Variants in DSE observed in about 807,000 individuals in gnomAD.
DSE encodes the protein dermatan-sulfate epimerase.
DSE carries 36 observed loss-of-function variants against 84.4 expected under a neutral mutation model. That is an observed-to-expected ratio of 0.43 (90% CI 0.33 to 0.56). The LOEUF (loss-of-function observed/expected upper bound fraction) is 0.56, where lower values mean the gene tolerates loss of function less well. Among genes scored for constraint, DSE ranks in the 20% least tolerant of loss-of-function variants. DSE has a pLI of 0.06. For synonymous variants in DSE, 410 were observed against 430.1 expected (o/e 0.95, Z 0.58); for missense variants, 862 against 1,169.6 (o/e 0.74, Z 3.84).
At chr6:116,366,602 A>G (rs1310854508), upstream of DSE, 2 of 152,236 alleles carry the variant, frequency 1.3e-5, no homozygotes, top group African/African-American at 4.8e-5. Context: ...GTGATATAAA[A>G]TCATCCATTT....
intron 1 of DSE, among the ~76,000 whole-genome samples, chr6:116,397,559 A>G (rs1344532265): frequency 1.3e-5 from 2 of 152,084 alleles, no homozygotes; most frequent in Non-Finnish European, 2.9e-5. Flanking sequence ...GGGACTGAGC[A>G]TTACCTCAGA....
At chr6:116,417,188 A>G (rs576840349) in intron 2 of DSE, among the ~76,000 whole-genome samples, 1 of 152,318 alleles carries the variant, frequency 6.6e-6, no homozygotes, top group East Asian at 1.9e-4. Flanking sequence ...TAGGTTGAAT[A>G]TTAGGGCAAA....
chr6:116,417,997 A>G (rs564301931), intron 2 of DSE, among the ~76,000 whole-genome samples: 1 of 152,266 alleles, frequency 6.6e-6, no homozygotes, highest in Non-Finnish European at 1.5e-5. Context: ...TTTTAAAGGG[A>G]GGAGGGCAAG....
chr6:116,417,236 T>C (rs1046456608), intron 2 of DSE, among the ~76,000 whole-genome samples: 2 of 152,208 alleles, frequency 1.3e-5, no homozygotes, highest in African/African-American at 4.8e-5. Context: ...CAATTATAAA[T>C]GTTGTTTGAT....
At chr6:116,316,853 C>T (rs376029936) in intron 2 of DSE, among the ~76,000 whole-genome samples, 2 of 84,230 alleles carry the variant, frequency 2.4e-5, no homozygotes, top group Non-Finnish European at 2.3e-5. Context: ...ATTATTATTA[C>T]TGCTACTACT....
intron 1 of DSE, among the ~76,000 whole-genome samples, chr6:116,397,188 T>C (rs1005183052): frequency 5.3e-5 from 8 of 150,062 alleles, no homozygotes; most frequent in Non-Finnish European, 1.2e-4. Context: ...TCGTTAGCGG[T>C]ATATTATTCT....
intron 2 of DSE, among the ~76,000 whole-genome samples, chr6:116,267,666 G>A (rs1437642679): frequency 2.0e-5 from 3 of 152,222 alleles, no homozygotes; most frequent in African/African-American, 7.2e-5. Context: ...AGTGTACAAT[G>A]TTTATAAAAT....
chr6:116,260,586 G>C (rs1285580860), intron 2 of DSE, among the ~76,000 whole-genome samples: 3 of 152,052 alleles, frequency 2.0e-5, no homozygotes, highest in Admixed American at 6.6e-5. Flanking sequence ...GTATTTCCTA[G>C]GTTGTCTTCC....
intron 1 of DSE, among the ~76,000 whole-genome samples, chr6:116,375,735 G>C (rs1008570276): frequency 2.0e-5 from 3 of 152,178 alleles, no homozygotes; most frequent in African/African-American, 7.2e-5. Context: ...TTAGAGAATT[G>C]CCGTAAAGGA....
intron 2 of DSE, among the ~76,000 whole-genome samples, chr6:116,314,663 GTTATT>G (rs1250517658): frequency 6.6e-6 from 1 of 152,078 alleles, no homozygotes; most frequent in Non-Finnish European, 1.5e-5. Flanking sequence ...ATCAGATAGT[GTTATT>G]TTGAGGGAAA....
intron 2 of DSE, chr6:116,279,199 T>C (rs1481942551): frequency 1.2e-6 from 2 of 1,610,672 alleles, no homozygotes; most frequent in Non-Finnish European, 1.7e-6. Context: ...CGCCTCCTCC[T>C]CCAATCTATC....
At chr6:116,337,267 T>G (rs1178134690) in intron 2 of DSE, among the ~76,000 whole-genome samples, 2 of 152,210 alleles carry the variant, frequency 1.3e-5, no homozygotes, top group African/African-American at 4.8e-5. Context: ...AGTTGCTTTG[T>G]GTGAGATTTG....
chr6:116,370,123 T>A, upstream of DSE: 1 of 382,238 alleles, frequency 2.6e-6, no homozygotes. Flanking sequence ...AGGAGGACTC[T>A]TCTCCAGGAG....
intron 2 of DSE, among the ~76,000 whole-genome samples, chr6:116,424,057 G>T (rs1783265822): frequency 6.6e-6 from 1 of 152,164 alleles, no homozygotes; most frequent in African/African-American, 2.4e-5. Flanking sequence ...ACATGTGAGG[G>T]TTTACTGGCT....
intron 2 of DSE, among the ~76,000 whole-genome samples, chr6:116,287,342 T>G (rs1322920849): frequency 2.0e-5 from 3 of 152,086 alleles, no homozygotes; most frequent in African/African-American, 7.2e-5. Context: ...GCTTTTCCCT[T>G]TCCTTTCATT....
At position 116,371,127 on chromosome 6, in the gene DSE, T is replaced by A. The variant is rs1485907989; in HGVS notation, c.-54+6T>A. Reference sequence around the variant, plus strand: ...CGAAGCCTCGGCTGGGAGCGGTAAGTGGAGGGGCGCGCAAGGGACGAGCTG... The same window carrying A: ...CGAAGCCTCGGCTGGGAGCGGTAAGAGGAGGGGCGCGCAAGGGACGAGCTG... On this transcript the variant is annotated splice_donor_region_variant and intron_variant, in intron 1 of 5. Coordinates refer to ENST00000644252, the MANE Select transcript of DSE (RefSeq NM_013352.4). The A allele has an allele frequency of 5.1e-6, 5 of 985,616 alleles. No individual in the cohort carries two copies. Among genetic ancestry groups the A allele is most frequent in the Admixed American group, 6.2e-5 (1 of 16,258 alleles). 61.1% of individuals were successfully genotyped at this position (985,616 alleles called of 1,614,324 possible). A position where few individuals can be genotyped will look rare whatever the true frequency, so the allele number is the denominator to read the frequency against.
intron 2 of DSE, among the ~76,000 whole-genome samples, chr6:116,267,456 AAAT>A (rs1772677398): frequency 6.8e-6 from 1 of 146,800 alleles, no homozygotes; most frequent in Non-Finnish European, 1.5e-5. Context: ...AAAAAAGAAA[AAAT>A]ATTAGAAAAA....
intron 2 of DSE, among the ~76,000 whole-genome samples, chr6:116,285,660 C>A (rs1017448167): frequency 1.3e-5 from 2 of 152,162 alleles, no homozygotes; most frequent in East Asian, 3.8e-4. Flanking sequence ...TTAGGTCTAA[C>A]ATTTAAGTCT....
chr6:116,319,005 G>A (rs117251536), intron 2 of DSE, among the ~76,000 whole-genome samples: 2 of 152,252 alleles, frequency 1.3e-5, no homozygotes, highest in Non-Finnish European at 2.9e-5. Context: ...AAATGCTTCA[G>A]TAGTCTCTTC....
Sources: gnomAD v4.1 joint callset for allele counts (sites outside exome capture counted in the v4.1 genomes callset) on GRCh38, gnomAD v4.1.1 for gene constraint, MANE v1.5 for transcripts, NCBI Gene and HGNC (gene_info 2026-07-23, HGNC 2026-07-21) for gene names.